Variants in TAF2 observed in about 807,000 individuals in gnomAD.
TAF2 encodes the protein TATA-box binding protein associated factor 2, also known as transcription initiation factor TFIID subunit 2.
In TAF2, 61 loss-of-function variants were observed where a neutral mutation model predicts 138.5. That is an observed-to-expected ratio of 0.44 (90% CI 0.36 to 0.54). TAF2 has a LOEUF of 0.54. Ranked by LOEUF, TAF2 falls within the 20% of genes least tolerant of loss-of-function variation. The probability of loss-of-function intolerance (pLI) is 0.00; values close to 1 mark genes in which losing one functional copy is unlikely to be tolerated. For missense variants in TAF2, 1,090 were observed against 1,427.9 expected (o/e 0.76, Z 3.81); for synonymous variants, 475 against 469.9 (o/e 1.01, Z -0.14).
intron 3 of TAF2, among the ~76,000 whole-genome samples, chr8:119,816,100 G>A (rs1825450867): frequency 6.7e-6 from 1 of 149,266 alleles, no homozygotes; most frequent in Admixed American, 6.7e-5. Context: ...GCCCAGGCTG[G>A]AGTGCAGTGG....
chr8:119,792,268 C>T (rs1252342351), intron 10 of TAF2, among the ~76,000 whole-genome samples: 6 of 151,820 alleles, frequency 4.0e-5, no homozygotes, highest in African/African-American at 1.5e-4. Context: ...ATTCTCTTGC[C>T]TCAGCCTCTC....
At chr8:119,804,827 A>G (rs1824508670) in intron 4 of TAF2, among the ~76,000 whole-genome samples, 1 of 152,184 alleles carries the variant, frequency 6.6e-6, no homozygotes, top group East Asian at 1.9e-4. Context: ...GATGAGAGGT[A>G]GAGTAGGGAA....
intron 22 of TAF2, among the ~76,000 whole-genome samples, chr8:119,755,099 T>C (rs1586329339): frequency 6.6e-6 from 1 of 152,330 alleles, no homozygotes; most frequent in East Asian, 1.9e-4. Context: ...TTCAGACAAA[T>C]CACACATTAA....
chr8:119,777,960 C>A, intron 18 of TAF2, 59 bp downstream of exon 18: 1 of 910,316 alleles, frequency 1.1e-6, no homozygotes. Flanking sequence ...CTGTAATATT[C>A]ATTAAGAAAA....
At chr8:119,779,971 T>C (rs1822524383) in intron 17 of TAF2, among the ~76,000 whole-genome samples, 1 of 152,188 alleles carries the variant, frequency 6.6e-6, no homozygotes, top group Non-Finnish European at 1.5e-5. Context: ...TCAAGTTTGT[T>C]CTTCCCCTGT....
chr8:119,789,597 C>A lies in TAF2; in HGVS notation c.1563G>T (p.Gln521His). The change falls in exon 12 of 26, where the codon CAG becomes CAT. Residue 521 changes from glutamine to histidine, a missense_variant. Coordinates refer to ENST00000378164, the MANE Select transcript of TAF2 (RefSeq NM_003184.4). ...ACTGCTATTGAAAAGGATACACCCA[C>A]TGCTTTATTAACGGCTGAATATCTT... The part of the protein sequence containing the change: ...SGKDIQPLIK[Q>H]WVDQSGVVKF... The A allele has an allele frequency of 6.2e-7, 1 of 1,613,562 alleles. No individual in the cohort carries two copies. Among genetic ancestry groups the A allele is most frequent in the Non-Finnish European group, 8.5e-7 (1 of 1,179,878 alleles).
At chr8:119,737,898 A>T (rs1371489235) in intron 25 of TAF2, among the ~76,000 whole-genome samples, 1 of 152,094 alleles carries the variant, frequency 6.6e-6, no homozygotes, top group Non-Finnish European at 1.5e-5. Context: ...TTTTCCAAGA[A>T]TTTAATCCCA....
intron 21 of TAF2, 70 bp downstream of exon 21, chr8:119,758,002 GT>G: frequency 8.1e-7 from 1 of 1,229,140 alleles, no homozygotes; most frequent in Non-Finnish European, 1.2e-6. Flanking sequence ...AGCATTTTAT[GT>G]GTAATCTGAA....
intron 4 of TAF2, among the ~76,000 whole-genome samples, chr8:119,804,314 G>A (rs192831885): frequency 3.7e-4 from 57 of 152,138 alleles, no homozygotes; most frequent in Non-Finnish European, 6.6e-4. Flanking sequence ...AATGTACAAT[G>A]CCTAAAAAGT....
At chr8:119,812,161 A>C (rs530651163) in intron 3 of TAF2, among the ~76,000 whole-genome samples, 1 of 152,260 alleles carries the variant, frequency 6.6e-6, no homozygotes, top group South Asian at 2.1e-4. Flanking sequence ...GGTTTAAAGA[A>C]ATAACATTGA....
At chr8:119,740,410 T>C (rs1819514924) in intron 25 of TAF2, among the ~76,000 whole-genome samples, 1 of 150,756 alleles carries the variant, frequency 6.6e-6, no homozygotes, top group Non-Finnish European at 1.5e-5. Context: ...ATCCTAGCAC[T>C]TTGGGAGGCT....
intron 8 of TAF2, 92 bp from the exon 9 acceptor site, chr8:119,795,723 T>A (rs1387947471): frequency 2.2e-5 from 25 of 1,111,564 alleles, no homozygotes; most frequent in Non-Finnish European, 3.2e-5. Flanking sequence ...TAGTGTGTAT[T>A]TCCCTGCCTT....
intron 14 of TAF2, among the ~76,000 whole-genome samples, chr8:119,787,990 A>G (rs2131157702): frequency 6.6e-6 from 1 of 152,344 alleles, no homozygotes; most frequent in East Asian, 1.9e-4. Flanking sequence ...ACACAGGAAC[A>G]GAAAACCAAA....
intron 18 of TAF2, among the ~76,000 whole-genome samples, chr8:119,767,660 G>A (rs977417169): frequency 1.3e-5 from 2 of 152,208 alleles, no homozygotes; most frequent in African/African-American, 2.4e-5. Context: ...AGGCAGACCC[G>A]GCATTTTCAC....
chr8:119,756,365 T>C (rs1820703915), intron 21 of TAF2, among the ~76,000 whole-genome samples: 1 of 152,112 alleles, frequency 6.6e-6, no homozygotes, highest in East Asian at 1.9e-4. Context: ...AAAAAAAAAT[T>C]CTGGTGGATT....
chr8:119,775,821 T>C (rs1822190476), intron 18 of TAF2, among the ~76,000 whole-genome samples: 1 of 152,210 alleles, frequency 6.6e-6, no homozygotes, highest in South Asian at 2.1e-4. Context: ...TAGCCAGTTA[T>C]ACCATCCATC....
intron 3 of TAF2, among the ~76,000 whole-genome samples, chr8:119,817,941 C>A (rs1825582329): frequency 1.3e-5 from 2 of 152,214 alleles, no homozygotes; most frequent in South Asian, 4.1e-4. Flanking sequence ...TATGTCAGTT[C>A]TACAAATGTG....
chr8:119,800,386 T>C (rs949976009), intron 6 of TAF2, among the ~76,000 whole-genome samples: 1 of 152,210 alleles, frequency 6.6e-6, no homozygotes, highest in Non-Finnish European at 1.5e-5. Context: ...CCCAGCACCA[T>C]TTATTAAATA....
rs1325442901 is a variant in TAF2 at position 119,746,794 on chromosome 8, G to A, written c.3019C>T (p.Pro1007Ser). 4.3e-6 allele frequency: 7 copies of A among 1,614,130 alleles called. No homozygotes were observed. In the Admixed American group the frequency reaches 1.0e-4, roughly 23 times the overall value. The change falls in exon 23 of 26, where the codon CCT becomes TCT. Residue 1007 changes from proline (P) to serine (S), a missense_variant. Physicochemically the swap from Pro to Ser is moderately conservative, Grantham distance 74. This residue lies in a region of TAF2 where 580 missense variants were observed against 719.6 expected (regional missense o/e 0.81). Transcript: ENST00000378164. Reference protein sequence around the residue: ...NLKEKKAVLNPTIIPESVAGN... With the variant: ...NLKEKKAVLNSTIIPESVAGN... ...GCTACTGACTCTGGAATTATGGTAG[G>A]ATTCAAGACAGCTTTTTTCTCCTTT...
Sources: gnomAD v4.1 joint callset for allele counts (sites outside exome capture counted in the v4.1 genomes callset) on GRCh38, gnomAD v4.1.1 for gene constraint, gnomAD v4.1.1 regional missense constraint, MANE v1.5 for transcripts, NCBI Gene and HGNC (gene_info 2026-07-23, HGNC 2026-07-21) for gene names.